Variants in ENOX2 observed in about 807,000 individuals in gnomAD.
ENOX2 encodes ecto-NOX disulfide-thiol exchanger 2.
ENOX2 carries 36 observed loss-of-function variants against 45.0 expected under a neutral mutation model. The observed-to-expected ratio is 0.80, with a 90% CI of 0.61 to 1.06. The LOEUF is 1.06. Ranked by LOEUF, ENOX2 falls within the 50% of genes least tolerant of loss-of-function variation. The pLI, the probability that ENOX2 is intolerant of heterozygous loss-of-function variation, is 0.00. For synonymous variants in ENOX2, 174 were observed against 152.3 expected, an observed-to-expected ratio of 1.14 and a Z score of -1.05; for missense variants, 423 against 462.5, an observed-to-expected ratio of 0.91 and a Z score of 0.78.
Position 130,729,409 on chromosome X carries a change from T to C in ENOX2, c.-38-26155A>G, listed in dbSNP as rs1454053776. On this transcript the variant is annotated intron_variant, in intron 3 of 14. Coordinates refer to ENST00000394363, the MANE Select transcript of ENOX2 (RefSeq NM_006375.4). ...GTGCAGAATACCATCATAATTTTTATATTACTCATGGATTTATGCAGCTGA... is the reference window on the plus strand; with the variant it reads ...GTGCAGAATACCATCATAATTTTTACATTACTCATGGATTTATGCAGCTGA... Among the ~76,000 whole-genome samples the C allele has an allele frequency of 5.4e-5, 6 of 112,136 alleles. No homozygotes were observed. The East Asian group carries it at 8.4e-4, about 16-fold the overall frequency.
intron 11 of ENOX2, among the ~76,000 whole-genome samples, chrX:130,636,462 T>G (rs955812547): frequency 8.9e-6 from 1 of 112,103 alleles, no homozygotes; most frequent in African/African-American, 3.2e-5. Flanking sequence ...CAATGGCTGG[T>G]AGTCTAGCAT....
intron 3 of ENOX2, among the ~76,000 whole-genome samples, chrX:130,714,843 G>C (rs1238129722): frequency 9.0e-6 from 1 of 111,301 alleles, no homozygotes; most frequent in Non-Finnish European, 1.9e-5. Flanking sequence ...CTGCTAGGAC[G>C]GTGCTAAGGA....
chrX:130,737,344 C>T (rs1471854465), intron 3 of ENOX2, among the ~76,000 whole-genome samples: 3 of 112,369 alleles, frequency 2.7e-5, no homozygotes, highest in Non-Finnish European at 5.6e-5. Context: ...CCTTAAGTTA[C>T]AATCAATGGT....
At chrX:130,869,721 G>C (rs2078542533) in intron 2 of ENOX2, among the ~76,000 whole-genome samples, 1 of 111,810 alleles carries the variant, frequency 8.9e-6, no homozygotes, top group Non-Finnish European at 1.9e-5. Flanking sequence ...AATTCTTTTT[G>C]TTCTCTTTTC....
rs531381204 is a variant in ENOX2 at position 130,639,971 on chromosome X, A to C, written c.1130-2561T>G. On this transcript the variant is annotated intron_variant, in intron 10 of 14. Transcript: ENST00000394363. The stretch of plus-strand genomic sequence containing the variant: ...TGAACAACAGTAATTTATTTCTCAC[A>C]ATTCTGGAAGCTCAGAGGTCCAAGA... 3.1e-4 allele frequency among the ~76,000 whole-genome samples: 35 copies of C among 112,256 alleles called. 1 individual carries two copies. Among genetic ancestry groups the C allele is most frequent in the African/African-American group, 1.1e-3 (35 of 30,908 alleles).
chrX:130,625,874 G>T (rs147638392), intron 14 of ENOX2, among the ~76,000 whole-genome samples: 201 of 109,394 alleles, frequency 1.8e-3, no homozygotes, highest in African/African-American at 6.4e-3. Context: ...GGGGGAAATC[G>T]CTGTGTTCAT....
At chrX:130,798,883 C>T (rs1040599518) in intron 2 of ENOX2, among the ~76,000 whole-genome samples, 2 of 112,204 alleles carry the variant, frequency 1.8e-5, no homozygotes, top group Non-Finnish European at 3.8e-5. Context: ...GGATAAAAAT[C>T]ACACTGAATG....
At chrX:130,718,196 G>A (rs1188039999) in intron 3 of ENOX2, among the ~76,000 whole-genome samples, 2 of 111,987 alleles carry the variant, frequency 1.8e-5, no homozygotes, top group Non-Finnish European at 3.8e-5. Context: ...CAGTGAATCC[G>A]TATGTAAAGG....
At chrX:130,805,017 G>A (rs1056514734) in intron 2 of ENOX2, among the ~76,000 whole-genome samples, 4 of 111,414 alleles carry the variant, frequency 3.6e-5, no homozygotes, top group Non-Finnish European at 7.5e-5. Flanking sequence ...AGGGGCCTGA[G>A]GGAGTTTGTC....
chrX:130,777,623 A>G (rs763934569), intron 3 of ENOX2, among the ~76,000 whole-genome samples: 2 of 111,839 alleles, frequency 1.8e-5, no homozygotes, highest in East Asian at 5.6e-4. Flanking sequence ...CTGCTGAGAG[A>G]ATTCCTAATG....
chrX:130,872,298 A>T (rs2078609953), intron 2 of ENOX2, among the ~76,000 whole-genome samples: 1 of 112,598 alleles, frequency 8.9e-6, no homozygotes, highest in Non-Finnish European at 1.9e-5. Flanking sequence ...TCATGGATGA[A>T]ACAGTAGTCA....
chrX:130,892,623 A>G (rs984035581), intron 2 of ENOX2, among the ~76,000 whole-genome samples: 1 of 112,677 alleles, frequency 8.9e-6, no homozygotes, highest in Middle Eastern at 4.2e-3. Context: ...AGTGCTGTCT[A>G]TGGAATGTGT....
chrX:130,864,950 T>C (rs1273070952), intron 2 of ENOX2, among the ~76,000 whole-genome samples: 9 of 110,559 alleles, frequency 8.1e-5, no homozygotes, highest in Non-Finnish European at 1.5e-4. Flanking sequence ...AGGCAGAGGT[T>C]GCAATGAGCC....
chrX:130,709,488 A>AATCCT (rs777505885), intron 3 of ENOX2, among the ~76,000 whole-genome samples: 1 of 109,101 alleles, frequency 9.2e-6, no homozygotes, highest in Non-Finnish European at 1.9e-5. Flanking sequence ...AAAATATAAA[A>AATCCT]ATTAGCTAGG....
intron 2 of ENOX2, among the ~76,000 whole-genome samples, chrX:130,828,586 T>C (rs2077762915): frequency 8.9e-6 from 1 of 111,871 alleles, no homozygotes; most frequent in Non-Finnish European, 1.9e-5. Flanking sequence ...ATTTTGATTG[T>C]TACACAAAAT....
chrX:130,718,683 T>C (rs1231658908), intron 3 of ENOX2, among the ~76,000 whole-genome samples: 3 of 112,048 alleles, frequency 2.7e-5, no homozygotes, highest in African/African-American at 9.7e-5. Flanking sequence ...TCCACAGATT[T>C]ATCCTTGCCA....
chrX:130,853,558 T>C (rs1041747832), intron 2 of ENOX2, among the ~76,000 whole-genome samples: 1 of 101,449 alleles, frequency 9.9e-6, no homozygotes, highest in Non-Finnish European at 2.0e-5. Context: ...ACTTAAACAA[T>C]AGCCAAACAA....
intron 4 of ENOX2, among the ~76,000 whole-genome samples, chrX:130,698,334 T>TC (rs1316130595): frequency 9.1e-6 from 1 of 109,900 alleles, no homozygotes; most frequent in Non-Finnish European, 1.9e-5. Context: ...CCTCGGTCTT[T>TC]TTTTTTTTAA....
chrX:130,877,737 T>C (rs1305493740), intron 2 of ENOX2, among the ~76,000 whole-genome samples: 1 of 111,994 alleles, frequency 8.9e-6, no homozygotes, highest in East Asian at 2.8e-4. Flanking sequence ...GAAGTACAGA[T>C]ACTATGAGAA....
Sources: allele counts gnomAD v4.1 joint callset (sites outside exome capture counted in the v4.1 genomes callset), GRCh38; gene constraint gnomAD v4.1.1; transcripts MANE v1.5; gene names NCBI Gene and HGNC (gene_info 2026-07-23, HGNC 2026-07-21).